TMEM181: variants seen among roughly 807,000 people sequenced by gnomAD.
TMEM181 encodes the protein transmembrane protein 181, also known as G protein-coupled receptor 178.
TMEM181 carries 39 observed loss-of-function variants against 71.9 expected under a neutral mutation model. The observed-to-expected ratio is 0.54, with a 90% CI of 0.42 to 0.71. The LOEUF (loss-of-function observed/expected upper bound fraction) is 0.71, where lower values mean the gene tolerates loss of function less well. Ranked by LOEUF, TMEM181 falls within the 30% of genes least tolerant of loss-of-function variation. The pLI is 0.00. For synonymous variants in TMEM181, 245 were observed against 228.8 expected (o/e 1.07, Z -0.64); for missense variants, 595 against 583.0 (o/e 1.02, Z -0.21).
chr6:158,560,964 G>A (rs1782136347), intron 1 of TMEM181, among the ~76,000 whole-genome samples: 1 of 152,146 alleles, frequency 6.6e-6, no homozygotes, highest in African/African-American at 2.4e-5. Context: ...AGAAGGAGAC[G>A]GAGTTAACCA....
intron 6 of TMEM181, among the ~76,000 whole-genome samples, chr6:158,600,985 C>G: frequency 6.6e-6 from 1 of 151,996 alleles, no homozygotes; most frequent in East Asian, 1.9e-4. Flanking sequence ...TTTTTCTCTT[C>G]TTGACTGTGC....
chr6:158,610,414 G>A, intron 10 of TMEM181: 1 of 284,120 alleles, frequency 3.5e-6, no homozygotes, highest in Non-Finnish European at 7.3e-6. Context: ...AGAAGGAGCT[G>A]CTGTAAATTC....
intron 6 of TMEM181, among the ~76,000 whole-genome samples, chr6:158,604,368 A>G (rs1338046473): frequency 1.3e-5 from 2 of 152,068 alleles, no homozygotes; most frequent in African/African-American, 2.4e-5. Context: ...TGTTTTAGGT[A>G]AATCTGTAAC....
chr6:158,536,684 G>A lies in TMEM181; in HGVS notation c.-51G>A, dbSNP rs756363227. The A allele has an allele frequency of 2.0e-6, 3 of 1,534,972 alleles. No homozygotes were observed. Among genetic ancestry groups the A allele is most frequent in the Non-Finnish European group, 1.7e-6 (2 of 1,144,624 alleles). On this transcript the variant is annotated 5_prime_UTR_variant, in exon 1 of 17. Transcript: ENST00000367090. The stretch of plus-strand genomic sequence containing the variant: ...CTGGGAGAAGAGAGGGGGCGCAGGC[G>A]GCGACACAAAGGGTGGAGCGGCGGG...
intron 8 of TMEM181, among the ~76,000 whole-genome samples, chr6:158,607,812 G>A (rs1243761317): frequency 2.6e-5 from 4 of 152,254 alleles, no homozygotes; most frequent in Non-Finnish European, 2.9e-5. Context: ...TGGGGCAGAT[G>A]CCTGGCTCTC....
In TMEM181 at chr6:158,600,458, A is replaced by ATTTT. The variant is rs61457107; in HGVS notation, c.493-4784_493-4781dup. Among the ~76,000 whole-genome samples, 38 of 91,866 alleles carry ATTTT rather than the reference A, an allele frequency of 4.1e-4. 4 individuals carry two copies. Among genetic ancestry groups the ATTTT allele is most frequent in the African/African-American group, 1.6e-3 (38 of 24,270 alleles). The allele number at this position is 91,866 out of a possible 152,430, so 60.3% of individuals were successfully genotyped here. ...AGTCACCGTGCCTGGCCTAGGGTTA[A>ATTTT]TTTTTTTTTTTTTTTTTTTTTTTTT... is the stretch of plus-strand genomic sequence containing the variant. On this transcript the variant is annotated intron_variant, in intron 6 of 16. Transcript: ENST00000684151.
At chr6:158,590,932 T>C (rs569813682) in intron 6 of TMEM181, among the ~76,000 whole-genome samples, 1 of 152,230 alleles carries the variant, frequency 6.6e-6, no homozygotes, top group Non-Finnish European at 1.5e-5. Context: ...GTCTGGACAT[T>C]TCGTGTGAAT....
rs540791620 is a variant in TMEM181 at position 158,609,601 on chromosome 6, C to T, written c.896+851C>T. 13 of 163,530 alleles carry T rather than the reference C, an allele frequency of 7.9e-5. No homozygotes were observed. In the East Asian group the frequency reaches 2.3e-3, roughly 29 times the overall value. The allele number at this position is 163,530 out of a possible 1,614,324, so 10.1% of individuals were successfully genotyped here. ...GTTTTCTGTGTTCCAGTCGGCCTTC[C>T]AAACACATCCTCCCCCTGGGACACA... On this transcript the variant is annotated intron_variant, in intron 10 of 16. Transcript: ENST00000684151.
chr6:158,631,358 C>T lies in TMEM181; in HGVS notation c.1318C>T (p.Leu440=). The T allele has an allele frequency of 6.2e-7, 1 of 1,614,214 alleles. No individual in the cohort carries two copies. The change falls in exon 16 of 17, where the codon CTG becomes TTG. Residue 440 remains leucine, a synonymous_variant. Coordinates refer to ENST00000684151, the MANE Select transcript of TMEM181 (RefSeq NM_001376852.1). ...GAAAGACAATCCTGCCTTCTCCATGCTGAATGACTCGGATGATGATGTGAT... is the reference window on the plus strand; with the variant it reads ...GAAAGACAATCCTGCCTTCTCCATGTTGAATGACTCGGATGATGATGTGAT... ...QLKDNPAFSM[L]NDSDDDVIYG...
intron 6 of TMEM181, among the ~76,000 whole-genome samples, chr6:158,602,862 G>A (rs992907673): frequency 2.0e-5 from 3 of 152,274 alleles, no homozygotes; most frequent in Non-Finnish European, 4.4e-5. Context: ...GATTACAGGT[G>A]TGAGCCACTG....
chr6:158,605,488 A>G, intron 7 of TMEM181, 141 bp downstream of exon 7: 1 of 770,616 alleles, frequency 1.3e-6, no homozygotes, highest in Non-Finnish European at 2.2e-6. Flanking sequence ...CTGATATTAC[A>G]ACTCTGTGTG....
intron 2 of TMEM181, among the ~76,000 whole-genome samples, chr6:158,575,724 A>G (rs1783117619): frequency 6.6e-6 from 1 of 152,088 alleles, no homozygotes; most frequent in Admixed American, 6.5e-5. Flanking sequence ...TTTAAAAGGG[A>G]CCTCATTGTG....
chr6:158,544,088 G>A (rs1280875535), intron 1 of TMEM181, among the ~76,000 whole-genome samples: 4 of 152,080 alleles, frequency 2.6e-5, no homozygotes, highest in Non-Finnish European at 4.4e-5. Context: ...AGCTGTGTCT[G>A]GATCAGGGTG....
intron 6 of TMEM181, among the ~76,000 whole-genome samples, chr6:158,596,475 G>A (rs1214122733): frequency 1.3e-5 from 2 of 152,086 alleles, no homozygotes; most frequent in Non-Finnish European, 2.9e-5. Flanking sequence ...CCATTTCACC[G>A]AGCCTGGTGG....
At chr6:158,626,843 C>T in intron 13 of TMEM181, 2 of 413,690 alleles carry the variant, frequency 4.8e-6, no homozygotes, top group East Asian at 7.6e-5. Flanking sequence ...CACACACACC[C>T]TCATTTTCAC....
At position 158,605,260 on chromosome 6, in the gene TMEM181, A is replaced by G. The variant is rs768300618; in HGVS notation, c.493-7A>G. The G allele has an allele frequency of 6.2e-7, 1 of 1,611,808 alleles. No homozygotes were observed. Among genetic ancestry groups the G allele is most frequent in the Non-Finnish European group, 8.5e-7 (1 of 1,178,592 alleles). On this transcript the variant is annotated splice_polypyrimidine_tract_variant and splice_region_variant and intron_variant, in intron 6 of 16. Transcript: ENST00000684151. ...TTTCAAATTGTTTTCTCCACTTTCT[A>G]TTTTAGTGGAAGACTTATAACCCTG...
chr6:158,599,744 G>T (rs1029017882), intron 6 of TMEM181, among the ~76,000 whole-genome samples: 1 of 152,202 alleles, frequency 6.6e-6, no homozygotes, highest in Non-Finnish European at 1.5e-5. Context: ...CCTGGAGGCC[G>T]CTGTGTGTCA....
In TMEM181 at chr6:158,625,060, C is replaced by G. The variant is rs753964180; in HGVS notation, c.955-44C>G. ...TGGTGGTGCTGGGAGGAGAAGGTCA[C>G]AGAGGCCCTGTTCCGACTCAAGTGC... On this transcript the variant is annotated intron_variant, in intron 11 of 16. Transcript: ENST00000684151. 6 of 1,482,980 alleles carry G rather than the reference C, an allele frequency of 4.0e-6. No individual in the cohort carries two copies. In the South Asian group the frequency reaches 5.7e-5, roughly 14 times the overall value. 91.9% of individuals were successfully genotyped at this position (1,482,980 alleles called of 1,614,324 possible).
Position 158,625,709 on chromosome 6 carries a change from G to T in TMEM181, c.1064G>T (p.Arg355Met), listed in dbSNP as rs762287173. The T allele has an allele frequency of 6.2e-7, 1 of 1,609,920 alleles. No individual in the cohort carries two copies. Among genetic ancestry groups the T allele is most frequent in the East Asian group, 2.2e-5 (1 of 44,864 alleles). ...GAGTTTCTTTCTTTTTCAGATCTCAGGTTGAAATTTTTGACTGCATTGACT... is the reference window on the plus strand; with the variant it reads ...GAGTTTCTTTCTTTTTCAGATCTCATGTTGAAATTTTTGACTGCATTGACT... ...ELRHMPYVDL[R>M]LKFLTALTFV... The change falls in exon 13 of 17, where the codon AGG (arginine) becomes ATG (methionine). Residue 355 changes from arginine (R) to methionine (M), a missense_variant. Coordinates refer to ENST00000684151, the MANE Select transcript of TMEM181 (RefSeq NM_001376852.1).
Sources: allele counts gnomAD v4.1 joint callset (sites outside exome capture counted in the v4.1 genomes callset), GRCh38; gene constraint gnomAD v4.1.1; transcripts MANE v1.5; gene names NCBI Gene and HGNC (gene_info 2026-07-23, HGNC 2026-07-21).